The following AK2 variants were observed in gnomAD, a reference collection of about 807,000 sequenced individuals.
AK2 encodes the protein adenylate kinase 2, mitochondrial.
In AK2, 15 loss-of-function variants were observed where a neutral mutation model predicts 24.6. The observed-to-expected ratio is 0.61, with a 90% CI of 0.41 to 0.94. AK2 has a LOEUF of 0.94. AK2 is among the 40% of genes least tolerant of loss of function. The pLI is 0.00. For missense variants in AK2, 257 were observed against 304.1 expected, an observed-to-expected ratio of 0.85 and a Z score of 1.15; for synonymous variants, 102 against 114.0, an observed-to-expected ratio of 0.90 and a Z score of 0.67.
chr1:33,031,377 A>C (rs1405626423), intron 1 of AK2: 1 of 299,368 alleles, frequency 3.3e-6, no homozygotes, highest in Non-Finnish European at 6.7e-6. Context: ...CTCTGAGCTC[A>C]GTTTCTCTGT....
chr1:33,017,857 C>T lies in AK2; in HGVS notation c.426-3263G>A, dbSNP rs529000270. ...GCAGCCTCGACCTCCCTAGCTCAAG[C>T]AGGCCTCCCACCTCAGACTCCCAAG... On this transcript the variant is annotated intron_variant, in intron 4 of 5. Transcript: ENST00000672715. 1.2e-4 allele frequency among the ~76,000 whole-genome samples: 18 copies of T among 152,302 alleles called. No homozygotes were observed. The East Asian group carries it at 2.9e-3, about 24-fold the overall frequency.
In AK2 at chr1:33,010,721, C is replaced by T; in HGVS notation, c.*2460G>A. The T allele has an allele frequency of 6.2e-7, 1 of 1,613,298 alleles. No homozygotes were observed. The highest frequency in any genetic ancestry group is 8.5e-7 in the Non-Finnish European group (1 of 1,179,610). On this transcript the variant is annotated 3_prime_UTR_variant, in exon 6 of 6. Transcript: ENST00000672715. ...TCCTCTGAGCCCCTCACCAGCCCTC[C>T]CTCACCATCCTCACCCTGACCACCC...
intron 4 of AK2, among the ~76,000 whole-genome samples, chr1:33,016,116 C>T (rs1257035487): frequency 6.6e-6 from 1 of 152,014 alleles, no homozygotes; most frequent in Non-Finnish European, 1.5e-5. Flanking sequence ...TCCAGGAGCC[C>T]CCTCTGTGGA....
intron 4 of AK2, chr1:33,020,054 G>A: frequency 1.3e-6 from 2 of 1,534,596 alleles, no homozygotes; most frequent in South Asian, 1.2e-5. Context: ...AAGGCACAAA[G>A]CAGATGGCAG....
chr1:33,036,733 C>A lies in AK2; in HGVS notation c.93+3G>T. 6.4e-7 allele frequency: 1 copy of A among 1,573,500 alleles called. No individual in the cohort carries two copies. The highest frequency in any genetic ancestry group is 8.7e-7 in the Non-Finnish European group (1 of 1,156,064). On this transcript the variant is annotated splice_donor_region_variant and intron_variant, in intron 1 of 5. Coordinates refer to ENST00000672715, the MANE Select transcript of AK2 (RefSeq NM_001625.4). ...CGCCGCCAAGCCCAGTCCTGCCGCT[C>A]ACCTGGGTCCCTTTACCGGCCCCGG...
At chr1:33,021,834 G>A in intron 2 of AK2, 131 bp from the exon 3 acceptor site, 1 of 724,564 alleles carries the variant, frequency 1.4e-6, no homozygotes, top group Admixed American at 2.3e-5. Context: ...TGGACCCAAA[G>A]AAGCAAAAAT....
rs1345937175 is a variant in AK2 at position 33,010,501 on chromosome 1, T to C, written c.*2680A>G. On this transcript the variant is annotated 3_prime_UTR_variant, in exon 6 of 6. Transcript: ENST00000672715. ...AAAGCTGAGGTCTTAGAGCACTGGC[T>C]TTAAAAAATATTTTCACCAGTCCAG... 16 of 666,084 alleles carry C rather than the reference T, an allele frequency of 2.4e-5. No homozygotes were observed. The highest frequency in any genetic ancestry group is 1.8e-5 in the African/African-American group (1 of 56,422). The allele number at this position is 666,084 out of a possible 1,614,324, so 41.3% of individuals were successfully genotyped here.
intron 2 of AK2, among the ~76,000 whole-genome samples, chr1:33,023,343 G>C (rs900101991): frequency 5.3e-5 from 8 of 152,058 alleles, no homozygotes; most frequent in Non-Finnish European, 1.0e-4. Context: ...CAGGAGGACT[G>C]CTCCTGGGTT....
rs1394062153 is a variant in AK2, at chr1:33,036,824, G to A, written c.5C>T (p.Ala2Val). ...GGGTTCTGCCGCTGGCACGCTGGGA[G>A]CCATGTCCGCCGAAGTCTCTCACTG... M[A>V]PSVPAAEPEY... Residue 2 changes from alanine (A) to valine (V), a missense_variant, in exon 1 of 6, where the codon GCT becomes GTT. Physicochemically the swap from Ala to Val is moderately conservative, Grantham distance 64. Transcript: ENST00000672715. The A allele has an allele frequency of 1.9e-6, 3 of 1,589,942 alleles. No homozygotes were observed. Among genetic ancestry groups the A allele is most frequent in the Admixed American group, 3.5e-5 (2 of 56,970 alleles).
chr1:33,021,543 G>A, intron 3 of AK2, 50 bp downstream of exon 3: 3 of 1,605,622 alleles, frequency 1.9e-6, no homozygotes, highest in Non-Finnish European at 2.6e-6. Flanking sequence ...AAAGACAAAG[G>A]ACAAGAATTT....
chr1:33,029,445 A>C, intron 1 of AK2: 1 of 127,218 alleles, frequency 7.9e-6, no homozygotes, highest in African/African-American at 3.1e-5. Context: ...ATAGGGTCTC[A>C]CTCTATTGCC....
At chr1:33,036,258 G>GGA (rs1389841073) in intron 1 of AK2, among the ~76,000 whole-genome samples, 5 of 152,072 alleles carry the variant, frequency 3.3e-5, no homozygotes, top group Non-Finnish European at 7.4e-5. Context: ...CCCACGTGTT[G>GGA]GAGATGCTTC....
At chr1:33,007,950 C>T (rs1436672099), downstream of AK2, 5 of 448,476 alleles carry the variant, frequency 1.1e-5, no homozygotes, top group Admixed American at 7.1e-5. Context: ...ACAGGGTTAT[C>T]GAGGAGAATA....
intron 4 of AK2, among the ~76,000 whole-genome samples, chr1:33,021,118 C>T (rs1639520124): frequency 6.6e-6 from 1 of 152,080 alleles, no homozygotes; most frequent in African/African-American, 2.4e-5. Context: ...TGCACTCCAG[C>T]CTGGGCGACA....
chr1:33,019,806 C>A, intron 4 of AK2: 1 of 1,118,662 alleles, frequency 8.9e-7, no homozygotes, highest in South Asian at 3.3e-5. Flanking sequence ...TTAACAGTGG[C>A]TAACTGGAAG....
At position 33,012,659 on chromosome 1, in the gene AK2, G is replaced by T; in HGVS notation, c.*522C>A. 7.8e-7 allele frequency: 1 copy of T among 1,277,152 alleles called. No homozygotes were observed. The highest frequency in any genetic ancestry group is 1.0e-6 in the Non-Finnish European group (1 of 979,386). 79.1% of individuals were successfully genotyped at this position (1,277,152 alleles called of 1,614,324 possible). On this transcript the variant is annotated 3_prime_UTR_variant, in exon 6 of 6. Transcript: ENST00000672715. ...CGTCTGTGATCCTGGCACTTCAGGAGGCCAAGGTGGGTGGATTGCTTAAGC... is the reference window on the plus strand; with the variant it reads ...CGTCTGTGATCCTGGCACTTCAGGATGCCAAGGTGGGTGGATTGCTTAAGC...
chr1:33,021,989 C>T (rs1639587167), intron 2 of AK2, among the ~76,000 whole-genome samples: 1 of 152,138 alleles, frequency 6.6e-6, no homozygotes, highest in African/African-American at 2.4e-5. Flanking sequence ...TTACTTGTTA[C>T]TTCACCAGGA....
At chr1:33,018,269 T>C (rs1371256029) in intron 4 of AK2, among the ~76,000 whole-genome samples, 1 of 151,962 alleles carries the variant, frequency 6.6e-6, no homozygotes, top group Non-Finnish European at 1.5e-5. Flanking sequence ...AGAAGTGAGG[T>C]CAGAGCTAAT....
At chr1:33,026,207 C>CT (rs914540399) in intron 1 of AK2, among the ~76,000 whole-genome samples, 4 of 151,334 alleles carry the variant, frequency 2.6e-5, no homozygotes, top group East Asian at 1.9e-4. Context: ...TTCTTTCTTT[C>CT]TTTTTTTTTG....
Sources: gnomAD v4.1 joint callset for allele counts (sites outside exome capture counted in the v4.1 genomes callset) on GRCh38, gnomAD v4.1.1 for gene constraint, MANE v1.5 for transcripts, NCBI Gene and HGNC (gene_info 2026-07-23, HGNC 2026-07-21) for gene names.